Variants in GAREM1 observed in about 807,000 individuals in gnomAD.
GAREM1 encodes GRB2 associated regulator of MAPK1 subtype 1.
Under a neutral mutation model 71.3 loss-of-function variants are expected in GAREM1, and 26 were observed. The ratio of observed to expected loss-of-function variants is 0.36; its 90% confidence interval spans 0.27 to 0.51. GAREM1 has a LOEUF of 0.51. Among genes scored for constraint, GAREM1 ranks in the 20% least tolerant of loss-of-function variants. The pLI, the probability that GAREM1 is intolerant of heterozygous loss-of-function variation, is 0.95. For synonymous variants in GAREM1, 440 were observed against 433.2 expected (o/e 1.02, Z -0.20); for missense variants, 1,026 against 1,103.1 (o/e 0.93, Z 0.99).
chr18:32,441,685 G>A (rs974805540), intron 1 of GAREM1, among the ~76,000 whole-genome samples: 6 of 152,096 alleles, frequency 3.9e-5, no homozygotes, highest in African/African-American at 9.7e-5. Context: ...TCAGTCATCC[G>A]ATCCAAATCT....
intron 1 of GAREM1, among the ~76,000 whole-genome samples, chr18:32,439,928 C>T (rs113650033): frequency 1.2e-4 from 19 of 152,242 alleles, no homozygotes; most frequent in African/African-American, 4.1e-4. Flanking sequence ...GCCTCCCATT[C>T]CTCATCCCCC....
Position 32,393,182 on chromosome 18 carries a change from T to C in GAREM1, c.122-147A>G, listed in dbSNP as rs866752488. 2.0e-3 allele frequency: 790 copies of C among 389,720 alleles called. 12 individuals are homozygous for C. The African/African-American group carries it at 0.026, about 13-fold the overall frequency. The allele number at this position is 389,720 out of a possible 1,614,324, so 24.1% of individuals were successfully genotyped here. A position where few individuals can be genotyped will look rare whatever the true frequency, so the allele number is the denominator to read the frequency against. On this transcript the variant is annotated intron_variant, in intron 1 of 5. Coordinates refer to ENST00000269209, the MANE Select transcript of GAREM1 (RefSeq NM_001242409.2). ...GAGATAAAGTTTACCTCTGAATTGTTTTTTTTTTTTTTTTAAAAAAGGGTA... is the reference window on the plus strand; with the variant it reads ...GAGATAAAGTTTACCTCTGAATTGTCTTTTTTTTTTTTTTAAAAAAGGGTA...
intron 2 of GAREM1, among the ~76,000 whole-genome samples, chr18:32,360,947 T>C: frequency 6.6e-6 from 1 of 152,176 alleles, no homozygotes; most frequent in Admixed American, 6.5e-5. Context: ...TTAAAAACAC[T>C]CTTCATGATG....
At chr18:32,431,655 A>G (rs990996138) in intron 1 of GAREM1, among the ~76,000 whole-genome samples, 2 of 152,120 alleles carry the variant, frequency 1.3e-5, no homozygotes, top group African/African-American at 4.8e-5. Flanking sequence ...TAAAGGAATA[A>G]TGGCTAAAAA....
intron 2 of GAREM1, among the ~76,000 whole-genome samples, chr18:32,360,706 A>T (rs1348792218): frequency 1.3e-5 from 2 of 152,160 alleles, no homozygotes; most frequent in East Asian, 1.9e-4. Flanking sequence ...TGTCATCCTC[A>T]CTATAGCTCC....
intron 2 of GAREM1, among the ~76,000 whole-genome samples, chr18:32,366,924 T>C (rs2047933317): frequency 6.6e-6 from 1 of 152,150 alleles, no homozygotes; most frequent in Non-Finnish European, 1.5e-5. Context: ...TATCATGATA[T>C]TAGGGTCACA....
At chr18:32,467,256 C>T (rs2049008659) in intron 1 of GAREM1, among the ~76,000 whole-genome samples, 1 of 152,132 alleles carries the variant, frequency 6.6e-6, no homozygotes, top group African/African-American at 2.4e-5. Flanking sequence ...TGGATGAGGC[C>T]AGCACTTAAT....
At chr18:32,417,832 A>G (rs996874189) in intron 1 of GAREM1, among the ~76,000 whole-genome samples, 1 of 152,206 alleles carries the variant, frequency 6.6e-6, no homozygotes, top group Non-Finnish European at 1.5e-5. Flanking sequence ...ACTATAGTCA[A>G]TAATATTAAT....
chr18:32,285,404 C>T (rs1421990374), intron 4 of GAREM1, among the ~76,000 whole-genome samples: 1 of 152,170 alleles, frequency 6.6e-6, no homozygotes, highest in Non-Finnish European at 1.5e-5. Flanking sequence ...CTGGCACCAG[C>T]CTTTCAGCCA....
At chr18:32,430,253 G>T (rs1237517359) in intron 1 of GAREM1, among the ~76,000 whole-genome samples, 1 of 152,110 alleles carries the variant, frequency 6.6e-6, no homozygotes, top group Admixed American at 6.5e-5. Flanking sequence ...CTTACCAAAT[G>T]AATCAACTAT....
At chr18:32,468,006 T>C (rs1452613522) in intron 1 of GAREM1, among the ~76,000 whole-genome samples, 3 of 152,286 alleles carry the variant, frequency 2.0e-5, no homozygotes, top group Admixed American at 6.5e-5. Flanking sequence ...CCCAATCAAA[T>C]TAGAAGAGAA....
chr18:32,292,962 C>T (rs2047101445), intron 3 of GAREM1, among the ~76,000 whole-genome samples: 1 of 151,974 alleles, frequency 6.6e-6, no homozygotes, highest in South Asian at 2.1e-4. Flanking sequence ...GAATGAATGG[C>T]TAAATATATT....
chr18:32,370,562 C>A (rs1175832355), intron 2 of GAREM1, among the ~76,000 whole-genome samples: 1 of 152,050 alleles, frequency 6.6e-6, no homozygotes, highest in East Asian at 1.9e-4. Flanking sequence ...TTTTCTCATG[C>A]TCCTTGTGTA....
chr18:32,461,434 ACCTGTAATT>A (rs1404774952), intron 1 of GAREM1, among the ~76,000 whole-genome samples: 1 of 152,092 alleles, frequency 6.6e-6, no homozygotes, highest in East Asian at 1.9e-4. Flanking sequence ...GGTGGCTCAT[ACCTGTAATT>A]CCAGCACTTT....
At chr18:32,434,433 C>T (rs2048655258) in intron 1 of GAREM1, among the ~76,000 whole-genome samples, 1 of 152,072 alleles carries the variant, frequency 6.6e-6, no homozygotes, top group East Asian at 1.9e-4. Flanking sequence ...GTCATTGATT[C>T]CAGGCCTAGG....
chr18:32,265,038 T>TG lies in GAREM1; in HGVS notation c.*2832dup, dbSNP rs1567938239. ...ACTGCAGAATCGCAGGGAAGGGCTG[T>TG]GAAAGGGAAGGGCTTCTCGAAAGGG... On this transcript the variant is annotated 3_prime_UTR_variant, in exon 6 of 6. Transcript: ENST00000269209. 2 of 152,184 alleles carry TG rather than the reference T, an allele frequency of 1.3e-5. No homozygotes were observed. The highest frequency in any genetic ancestry group is 4.8e-5 in the African/African-American group (2 of 41,430). The allele number at this position is 152,184 out of a possible 1,614,324, so 9.4% of individuals were successfully genotyped here.
chr18:32,411,425 T>C (rs957702765), intron 1 of GAREM1, among the ~76,000 whole-genome samples: 2 of 152,120 alleles, frequency 1.3e-5, no homozygotes, highest in Non-Finnish European at 2.9e-5. Flanking sequence ...TACAAAAGAA[T>C]CAAATTATAA....
intron 1 of GAREM1, among the ~76,000 whole-genome samples, chr18:32,442,773 T>C (rs926370840): frequency 4.6e-5 from 7 of 152,138 alleles, no homozygotes; most frequent in African/African-American, 1.2e-4. Context: ...GATGCTTTCA[T>C]TGAAAGATCC....
chr18:32,284,191 A>T (rs2046984258), intron 4 of GAREM1, among the ~76,000 whole-genome samples: 1 of 152,220 alleles, frequency 6.6e-6, no homozygotes, highest in Non-Finnish European at 1.5e-5. Flanking sequence ...TGGTCACAGA[A>T]CCAATAAAAA....
Sources: allele counts gnomAD v4.1 joint callset (sites outside exome capture counted in the v4.1 genomes callset), GRCh38; gene constraint gnomAD v4.1.1; transcripts MANE v1.5; gene names NCBI Gene and HGNC (gene_info 2026-07-23, HGNC 2026-07-21).